Variants in ARL17A observed in about 807,000 individuals in gnomAD.
ARL17A encodes the protein ARF like GTPase 17A.
chr17:46,550,722 C>G (rs570576616), downstream of ARL17A, among the ~76,000 whole-genome samples: 1 of 135,776 alleles, frequency 7.4e-6, no homozygotes, highest in African/African-American at 3.0e-5. Flanking sequence ...GCTTTCAGAT[C>G]TCTGTGAATT....
intron 3 of ARL17A, among the ~76,000 whole-genome samples, chr17:46,543,205 T>C (rs965335455): frequency 2.7e-5 from 4 of 150,622 alleles, no homozygotes; most frequent in Non-Finnish European, 5.9e-5. Context: ...GAGTTCATTA[T>C]TGGAAGTCTT....
intron 3 of ARL17A, among the ~76,000 whole-genome samples, chr17:46,542,343 T>C (rs1266041330): frequency 9.4e-5 from 14 of 148,960 alleles, no homozygotes; most frequent in African/African-American, 3.1e-4. Flanking sequence ...CATTTTGAGT[T>C]AATTTGCATA....
In ARL17A at chr17:46,535,086, G is replaced by T. The variant is rs1367192668; in HGVS notation, c.335+3265C>A. On this transcript the variant is annotated intron_variant, in intron 4 of 4. Transcript: ENST00000329240. ...TTTTCAAATTTTTTGTAGAGACAGGGTTTTACTCTATTGCCAGTGCTGGTA... is the reference window on the plus strand; with the variant it reads ...TTTTCAAATTTTTTGTAGAGACAGGTTTTTACTCTATTGCCAGTGCTGGTA... Among the ~76,000 whole-genome samples, 12 of 148,272 alleles carry T rather than the reference G, an allele frequency of 8.1e-5. No homozygotes were observed. The East Asian group carries it at 2.4e-3, about 29-fold the overall frequency.
downstream of ARL17A, chr17:46,549,018 G>A (rs527794638): frequency 3.1e-6 from 5 of 1,612,322 alleles, no homozygotes; most frequent in East Asian, 6.7e-5. Context: ...CAAATACGAA[G>A]ACGTCTAAAC....
In ARL17A at chr17:46,537,097, T is replaced by TGC. The variant is rs1567961854; in HGVS notation, c.335+1253_335+1254insGC. Among the ~76,000 whole-genome samples, 18 of 75,716 alleles carry TGC rather than the reference T, an allele frequency of 2.4e-4. 1 individual carries two copies. Among genetic ancestry groups the TGC allele is most frequent in the African/African-American group, 1.2e-3 (18 of 14,786 alleles). 49.7% of individuals were successfully genotyped at this position (75,716 alleles called of 152,430 possible). ...GGTCAATTTTTTTTTTTTTTTTTTT[T>TGC]TTTTTTTTTGCTATTTTTTTTGGTA... On this transcript the variant is annotated intron_variant, in intron 4 of 4. Transcript: ENST00000329240.
the ARL17A span, among the ~76,000 whole-genome samples, chr17:46,500,516 T>G: frequency 1.3e-5 from 2 of 149,682 alleles, no homozygotes; most frequent in Admixed American, 1.3e-4. Context: ...TCCACTTCAG[T>G]TTTAGGAAGG....
chr17:46,545,247 C>T (rs1294149744), intron 3 of ARL17A, among the ~76,000 whole-genome samples: 1 of 131,510 alleles, frequency 7.6e-6, no homozygotes, highest in Non-Finnish European at 1.6e-5. Flanking sequence ...GCCTGAGCAA[C>T]ATGGGGAAAC....
At chr17:46,501,170 CCATGCCCAG>C in the ARL17A span, among the ~76,000 whole-genome samples, 1 of 151,160 alleles carries the variant, frequency 6.6e-6, no homozygotes, top group Non-Finnish European at 1.5e-5. Context: ...GTACAAGCCA[CCATGCCCAG>C]CTATATTGAC....
At chr17:46,543,729 T>C (rs2055841358) in intron 3 of ARL17A, among the ~76,000 whole-genome samples, 1 of 150,976 alleles carries the variant, frequency 6.6e-6, no homozygotes, top group Non-Finnish European at 1.5e-5. Context: ...AGATGAAAGT[T>C]ATACAGGTGT....
At chr17:46,543,613 G>C (rs2055813826) in intron 3 of ARL17A, among the ~76,000 whole-genome samples, 1 of 150,762 alleles carries the variant, frequency 6.6e-6, no homozygotes, top group Non-Finnish European at 1.5e-5. Flanking sequence ...CAATGGTGAA[G>C]GGTCATTATG....
intron 4 of ARL17A, among the ~76,000 whole-genome samples, chr17:46,533,290 A>T (rs778256070): frequency 1.0e-3 from 86 of 85,852 alleles, no homozygotes; most frequent in Middle Eastern, 5.1e-3. Flanking sequence ...GGTGGTGCGC[A>T]CCTGTAGTCT....
At chr17:46,502,207 G>C in the ARL17A span, among the ~76,000 whole-genome samples, 1 of 151,150 alleles carries the variant, frequency 6.6e-6, no homozygotes, top group Non-Finnish European at 1.5e-5. Context: ...CAAGTTAATA[G>C]ATGAGTGAGA....
rs2057381647 is a variant in ARL17A at position 46,558,108 on chromosome 17, G to A, written c.260-478C>T. ...GAGTTTTGCTCTTGTTGCTCAGTCTGGAATGCAATGGCACGATCTCAGCTC... is the reference window on the plus strand; with the variant it reads ...GAGTTTTGCTCTTGTTGCTCAGTCTAGAATGCAATGGCACGATCTCAGCTC... On this transcript the variant is annotated intron_variant, in intron 3 of 3. Coordinates refer to ENST00000336125, the MANE Select transcript of ARL17A (RefSeq NM_001113738.2). Among the ~76,000 whole-genome samples the A allele has an allele frequency of 1.5e-5, 2 of 131,888 alleles. 1 individual carries two copies. The highest frequency in any genetic ancestry group is 6.0e-5 in the African/African-American group (2 of 33,352). 86.5% of individuals were successfully genotyped at this position (131,888 alleles called of 152,430 possible). A position where few individuals can be genotyped will look rare whatever the true frequency, so the allele number is the denominator to read the frequency against.
rs1416889524 is a variant in ARL17A, at chr17:46,537,098, T to TA, written c.335+1252_335+1253insT. On this transcript the variant is annotated intron_variant, in intron 4 of 4. Transcript: ENST00000329240. ...GTCAATTTTTTTTTTTTTTTTTTTT[T>TA]TTTTTTTTGCTATTTTTTTTGGTAT... is the stretch of plus-strand genomic sequence containing the variant. 2.8e-4 allele frequency among the ~76,000 whole-genome samples: 19 copies of TA among 68,364 alleles called. 1 individual carries two copies. Among genetic ancestry groups the TA allele is most frequent in the African/African-American group, 1.4e-3 (19 of 13,662 alleles). The allele number at this position is 68,364 out of a possible 152,430, so 44.8% of individuals were successfully genotyped here.
intron 3 of ARL17A, among the ~76,000 whole-genome samples, chr17:46,539,789 A>AAAAAAAAAAAG (rs2054962885): frequency 6.8e-6 from 1 of 146,548 alleles, no homozygotes; most frequent in Non-Finnish European, 1.5e-5. Flanking sequence ...AAAAAAAAAA[A>AAAAAAAAAAAG]ATAGATGAAC....
At chr17:46,529,210 A>G (rs62073316) in intron 4 of ARL17A, among the ~76,000 whole-genome samples, 61,136 of 109,684 alleles carry the variant, frequency 0.56, 21,336 homozygotes, top group Middle Eastern at 0.76. Flanking sequence ...AAAAAGAACA[A>G]GCAAGAAATG....
chr17:46,518,724 CT>C (rs2051801356), intron 3 of ARL17A, among the ~76,000 whole-genome samples: 1 of 44,258 alleles, frequency 2.3e-5, no homozygotes, highest in East Asian at 3.6e-4. Context: ...GTTTTCTGGC[CT>C]TTGTTCATTT....
rs1226761415 is a variant in ARL17A, at chr17:46,534,558, T to G, written c.335+3793A>C. Among the ~76,000 whole-genome samples, 74 of 147,846 alleles carry G rather than the reference T, an allele frequency of 5.0e-4. 5 individuals carry two copies. The highest frequency in any genetic ancestry group is 1.9e-3 in the African/African-American group (72 of 38,160). On this transcript the variant is annotated intron_variant, in intron 4 of 4. Coordinates refer to the ARL17A transcript ENST00000329240. ...GCATCCCAAGGCAGAAGAATTTTTC[T>G]TAGTACAGAACAAAATGGAGTCTTC...
the ARL17A span, among the ~76,000 whole-genome samples, chr17:46,502,588 C>A: frequency 2.6e-5 from 4 of 151,268 alleles, no homozygotes; most frequent in East Asian, 1.9e-4. Context: ...AGGCATGAGC[C>A]ACTGCTCCTG....
Sources: gnomAD v4.1 joint callset for allele counts (sites outside exome capture counted in the v4.1 genomes callset) on GRCh38, gnomAD v4.1.1 for gene constraint, MANE v1.5 for transcripts, NCBI Gene and HGNC (gene_info 2026-07-23, HGNC 2026-07-21) for gene names.